RNF6: variants seen among roughly 807,000 people sequenced by gnomAD.
RNF6 encodes E3 ubiquitin-protein ligase RNF6.
RNF6 carries 21 observed loss-of-function variants against 50.1 expected under a neutral mutation model. The observed-to-expected ratio is 0.42, with a 90% CI of 0.30 to 0.60. The LOEUF (loss-of-function observed/expected upper bound fraction) is 0.60, where lower values mean the gene tolerates loss of function less well. Ranked by LOEUF, RNF6 falls within the 20% of genes least tolerant of loss-of-function variation. The pLI is 0.20. For synonymous variants in RNF6, 255 were observed against 291.8 expected (o/e 0.87, Z 1.29); for missense variants, 698 against 838.2 (o/e 0.83, Z 2.07).
chr13:26,151,902 G>T (rs1257885847), intron 5 of RNF6, among the ~76,000 whole-genome samples: 2 of 152,234 alleles, frequency 1.3e-5, no homozygotes, highest in Non-Finnish European at 1.5e-5. Context: ...CTCCAAGCTG[G>T]TCCCTCTACC....
rs1221831862 is a variant in RNF6 at position 26,213,998 on chromosome 13, T to C, written c.1884A>G (p.Leu628=). The C allele has an allele frequency of 6.2e-7, 1 of 1,614,238 alleles. No homozygotes were observed. The highest frequency in any genetic ancestry group is 2.2e-5 in the East Asian group (1 of 44,890). Reference sequence around the variant, plus strand: ...TAATACAAACACTACAGATTTTACCTAGTTCACTATCAATACTGTTATGCT... The same window carrying C: ...TAATACAAACACTACAGATTTTACCCAGTTCACTATCAATACTGTTATGCT... ...HYEHNSIDSE[L]GKICSVCISD... The change falls in exon 5 of 5, where the codon CTA becomes CTG. Residue 628 remains leucine, a synonymous_variant. Transcript: ENST00000381588.
At chr13:26,149,895 C>T (rs9512125) in intron 5 of RNF6, among the ~76,000 whole-genome samples, 27,097 of 37,694 alleles carry the variant, frequency 0.72, 9,064 homozygotes, top group South Asian at 0.78. Context: ...TATATATATA[C>T]ACACACACAG....
intron 5 of RNF6, among the ~76,000 whole-genome samples, chr13:26,206,790 AG>A (rs1869127336): frequency 1.3e-5 from 2 of 152,218 alleles, no homozygotes; most frequent in South Asian, 2.1e-4. Flanking sequence ...GTATCATGCT[AG>A]GTGCTGAGGA....
At chr13:26,134,453 A>C (rs1870545759) in intron 5 of RNF6, among the ~76,000 whole-genome samples, 1 of 151,738 alleles carries the variant, frequency 6.6e-6, no homozygotes, top group African/African-American at 2.4e-5. Context: ...TGGAGAGAAC[A>C]GGCTTTGGTT....
At chr13:26,209,002 G>C (rs551898066), downstream of RNF6, among the ~76,000 whole-genome samples, 1 of 152,300 alleles carries the variant, frequency 6.6e-6, no homozygotes, top group East Asian at 1.9e-4. Context: ...GAGGACCATG[G>C]CTATTCCTTT....
At chr13:26,209,795 A>G (rs547888802), downstream of RNF6, among the ~76,000 whole-genome samples, 6 of 152,228 alleles carry the variant, frequency 3.9e-5, no homozygotes, top group South Asian at 1.2e-3. Flanking sequence ...AGATATATAT[A>G]TATATACTGG....
intron 5 of RNF6, among the ~76,000 whole-genome samples, chr13:26,187,291 A>C (rs1873601510): frequency 6.7e-6 from 1 of 148,954 alleles, no homozygotes; most frequent in Non-Finnish European, 1.5e-5. Context: ...GCCCTGGAAA[A>C]TTAAGCCGGC....
intron 5 of RNF6, among the ~76,000 whole-genome samples, chr13:26,174,938 C>T (rs1487231526): frequency 6.6e-6 from 1 of 152,144 alleles, no homozygotes; most frequent in Non-Finnish European, 1.5e-5. Context: ...AACTTAATCA[C>T]CTCTTTAAAG....
At chr13:26,159,763 T>C (rs906679986) in intron 5 of RNF6, among the ~76,000 whole-genome samples, 1 of 152,068 alleles carries the variant, frequency 6.6e-6, no homozygotes, top group African/African-American at 2.4e-5. Flanking sequence ...AAATAACAAA[T>C]TTTCCATCTC....
chr13:26,178,661 T>C (rs1331497738), intron 5 of RNF6, among the ~76,000 whole-genome samples: 1 of 150,596 alleles, frequency 6.6e-6, no homozygotes, highest in East Asian at 2.0e-4. Context: ...GCTTAAGATC[T>C]ATCCTCAGCA....
At chr13:26,177,225 G>A (rs1203549679) in intron 5 of RNF6, among the ~76,000 whole-genome samples, 1 of 152,176 alleles carries the variant, frequency 6.6e-6, no homozygotes, top group Non-Finnish European at 1.5e-5. Context: ...CCCTAGGAAA[G>A]TGAGAGAAAG....
At chr13:26,170,217 C>T (rs1872630581) in intron 5 of RNF6, among the ~76,000 whole-genome samples, 1 of 138,680 alleles carries the variant, frequency 7.2e-6, no homozygotes, top group Admixed American at 7.6e-5. Flanking sequence ...CCTGTTGAAA[C>T]ACCTTAAAAT....
Position 26,219,474 on chromosome 13 carries a change from T to C in RNF6, c.176A>G (p.Asn59Ser). The C allele has an allele frequency of 6.2e-7, 1 of 1,610,480 alleles. No homozygotes were observed. Among genetic ancestry groups the C allele is most frequent in the Non-Finnish European group, 8.5e-7 (1 of 1,177,786 alleles). ...DEDYRLMRDH[N>S]LLGTPGEITS... ...TCTCTTACCAGGGGTGCCTAAAAGATTATGGTCTCTCATAAGCCGATAATC... is the reference window on the plus strand; with the variant it reads ...TCTCTTACCAGGGGTGCCTAAAAGACTATGGTCTCTCATAAGCCGATAATC... Residue 59 changes from asparagine to serine, a missense_variant, in exon 3 of 5, where the codon AAT (asparagine) becomes AGT (serine). Physicochemically the swap from Asn to Ser is conservative, Grantham distance 46 (BLOSUM62 1). Transcript: ENST00000381588.
chr13:26,189,275 C>T (rs369453102), intron 5 of RNF6, among the ~76,000 whole-genome samples: 1 of 152,188 alleles, frequency 6.6e-6, no homozygotes, highest in Admixed American at 6.5e-5. Context: ...TTGCAGTGAG[C>T]CAAGGTCATG....
rs181329353 is a variant in RNF6, at chr13:26,155,634, C to T, written n.769-23183G>A. On this transcript the variant is annotated intron_variant and non_coding_transcript_variant, in intron 5 of 5. Transcript: ENST00000468480. ...CTGAAAGGCAAGCCAGAGCCTGCAC[C>T]GCTGCTGGACGGGCAATAGGTCTGA... is the stretch of plus-strand genomic sequence containing the variant. Among the ~76,000 whole-genome samples, 125 of 152,308 alleles carry T rather than the reference C, an allele frequency of 8.2e-4. 1 individual carries two copies. Among genetic ancestry groups the T allele is most frequent in the African/African-American group, 2.9e-3 (122 of 41,568 alleles).
At position 26,222,260 on chromosome 13, in the gene RNF6, C is replaced by T. The variant is rs1870596729; in HGVS notation, c.-359G>A. ...CCTTCTTTCCCGACAGCCACGCCGCCCACTTGGCGGCGGGGAGTCGCTCCG... is the reference window on the plus strand; with the variant it reads ...CCTTCTTTCCCGACAGCCACGCCGCTCACTTGGCGGCGGGGAGTCGCTCCG... On this transcript the variant is annotated 5_prime_UTR_variant, in exon 1 of 5. Transcript: ENST00000381588. 6.6e-6 allele frequency: 1 copy of T among 152,344 alleles called. No homozygotes were observed. The highest frequency in any genetic ancestry group is 1.5e-5 in the Non-Finnish European group (1 of 68,116). The allele number at this position is 152,344 out of a possible 1,614,324, so 9.4% of individuals were successfully genotyped here.
chr13:26,172,764 C>G (rs1417357912), intron 5 of RNF6, among the ~76,000 whole-genome samples: 1 of 152,070 alleles, frequency 6.6e-6, no homozygotes, highest in Non-Finnish European at 1.5e-5. Flanking sequence ...AGGATGGTCT[C>G]GATCTCCTGA....
chr13:26,195,795 C>T (rs1868636842), intron 5 of RNF6, among the ~76,000 whole-genome samples: 1 of 152,158 alleles, frequency 6.6e-6, no homozygotes, highest in Non-Finnish European at 1.5e-5. Context: ...TTCTTACACA[C>T]CCACACCCAC....
chr13:26,170,287 C>A (rs1353123438), intron 5 of RNF6, among the ~76,000 whole-genome samples: 2 of 151,220 alleles, frequency 1.3e-5, no homozygotes, highest in African/African-American at 2.4e-5. Context: ...TATTATCAAG[C>A]CAAAATTTAA....
Sources: allele counts gnomAD v4.1 joint callset (sites outside exome capture counted in the v4.1 genomes callset), GRCh38; gene constraint gnomAD v4.1.1; transcripts MANE v1.5; gene names NCBI Gene and HGNC (gene_info 2026-07-23, HGNC 2026-07-21).